Variants in NADK2 observed in about 807,000 individuals in gnomAD.
The protein encoded by NADK2 is NAD kinase 2, mitochondrial, also known as NAD kinase domain-containing protein 1, mitochondrial.
In NADK2, 35 loss-of-function variants were observed where a neutral mutation model predicts 62.1. The ratio of observed to expected loss-of-function variants is 0.56; its 90% CI spans 0.43 to 0.75. The LOEUF (loss-of-function observed/expected upper bound fraction) is 0.75, where lower values mean the gene tolerates loss of function less well. Among genes scored for constraint, NADK2 ranks in the 30% least tolerant of loss-of-function variants. NADK2 has a pLI of 0.00. For missense variants in NADK2, 439 were observed against 561.3 expected (o/e 0.78, Z 2.20); for synonymous variants, 205 against 207.9 (o/e 0.99, Z 0.12).
At position 36,227,490 on chromosome 5, in the gene NADK2, T is replaced by C; in HGVS notation, c.376A>G (p.Ile126Val). 6.5e-7 allele frequency: 1 copy of C among 1,531,120 alleles called. No individual in the cohort carries two copies. 94.8% of individuals were successfully genotyped at this position (1,531,120 alleles called of 1,614,324 possible). Residue 126 changes from isoleucine to valine, a missense_variant, in exon 2 of 12, where the codon ATA (isoleucine) becomes GTA (valine). Physicochemically the swap from Ile to Val is conservative, Grantham distance 29. Transcript: ENST00000381937. ...CCATAGACTTACCGTAAACTATCTA[T>C]AATATGTTCTACATTTTTGGTGTGA... ...HIHTKNVEHI[I>V]DSLRNEGIEV...
chr5:36,202,622 C>T (rs1320406619), intron 8 of NADK2, among the ~76,000 whole-genome samples: 1 of 152,052 alleles, frequency 6.6e-6, no homozygotes, highest in Admixed American at 6.6e-5. Context: ...GCTCTTCATG[C>T]CATATAGTCA....
At chr5:36,230,019 C>G (rs577669675) in intron 1 of NADK2, among the ~76,000 whole-genome samples, 1 of 151,732 alleles carries the variant, frequency 6.6e-6, no homozygotes, top group Non-Finnish European at 1.5e-5. Context: ...TGATCTCACA[C>G]GTGAACCACT....
Position 36,200,220 on chromosome 5 carries a change from C to T in NADK2, c.1066+7G>A. 3 of 1,573,362 alleles carry T rather than the reference C, an allele frequency of 1.9e-6. No individual in the cohort carries two copies. Among genetic ancestry groups the T allele is most frequent in the Non-Finnish European group, 2.6e-6 (3 of 1,158,490 alleles). On this transcript the variant is annotated splice_region_variant and intron_variant, in intron 10 of 11. Transcript: ENST00000381937. ...ACTGTTAGTGATTATTATCATTTGT[C>T]ACTGACCTTTCTCTACCAATTCTCT... is the stretch of plus-strand genomic sequence containing the variant.
rs1409552298 is a variant in NADK2, at chr5:36,241,654, G to T, written c.145C>A (p.Gln49Lys). ...CCCGCCAGCTCGCGCGGCTGCCCCT[G>T]CCCCAGGTGCCGCCGGCCGCCACCG... is the stretch of plus-strand genomic sequence containing the variant. ...GDGGGRRHLG[Q>K]GQPRELAGCG... Residue 49 changes from glutamine (Q) to lysine (K), a missense_variant, in exon 1 of 12, where the codon CAG becomes AAG. By Grantham distance (53) the Gln-to-Lys change is moderately conservative (BLOSUM62 1). Coordinates refer to ENST00000381937, the MANE Select transcript of NADK2 (RefSeq NM_001085411.3). The surrounding 1 kb of genome is among the most constrained non-coding windows in gnomAD (Gnocchi z 4.9). 14 of 1,263,244 alleles carry T rather than the reference G, an allele frequency of 1.1e-5. No individual in the cohort carries two copies. The South Asian group carries it at 3.7e-4, about 34-fold the overall frequency. The allele number at this position is 1,263,244 out of a possible 1,614,324, so 78.3% of individuals were successfully genotyped here.
intron 1 of NADK2, among the ~76,000 whole-genome samples, chr5:36,230,565 A>ACTAG (rs1194997612): frequency 6.6e-6 from 1 of 152,240 alleles, no homozygotes; most frequent in African/African-American, 2.4e-5. Context: ...GGGCCTAAGT[A>ACTAG]CTAGCTAAGT....
At chr5:36,215,226 T>C (rs750959773) in intron 6 of NADK2, among the ~76,000 whole-genome samples, 4 of 152,130 alleles carry the variant, frequency 2.6e-5, no homozygotes, top group Non-Finnish European at 4.4e-5. Context: ...CATTTTACCA[T>C]TAATTATGTG....
At chr5:36,227,361 A>C (rs1747520582) in intron 2 of NADK2, 116 bp downstream of exon 2, 1 of 441,054 alleles carries the variant, frequency 2.3e-6, no homozygotes, top group African/African-American at 2.0e-5. Flanking sequence ...ATTTTCTGAA[A>C]ATGATTTTAT....
At chr5:36,207,754 TG>T (rs1314715385) in intron 7 of NADK2, among the ~76,000 whole-genome samples, 1 of 152,162 alleles carries the variant, frequency 6.6e-6, no homozygotes, top group Non-Finnish European at 1.5e-5. Flanking sequence ...CCTTTTGAAT[TG>T]GTAGTAAGCT....
At chr5:36,218,033 T>C in intron 5 of NADK2, 149 bp from the exon 6 acceptor site, 1 of 615,198 alleles carries the variant, frequency 1.6e-6, no homozygotes, top group South Asian at 2.6e-5. Context: ...CTAAAGCCTA[T>C]AGCTTCCTTA....
intron 6 of NADK2, among the ~76,000 whole-genome samples, chr5:36,212,650 C>G (rs1002029112): frequency 5.9e-5 from 9 of 152,124 alleles, no homozygotes; most frequent in African/African-American, 2.2e-4. Flanking sequence ...ACTCTGTATC[C>G]TCAATGTCAC....
intron 1 of NADK2, among the ~76,000 whole-genome samples, chr5:36,230,900 AATG>A: frequency 6.6e-6 from 1 of 152,388 alleles, no homozygotes; most frequent in South Asian, 2.1e-4. Flanking sequence ...TGCCAAAGAC[AATG>A]ATAACTAATT....
chr5:36,240,839 T>C (rs1250404093), intron 1 of NADK2, among the ~76,000 whole-genome samples: 1 of 152,174 alleles, frequency 6.6e-6, no homozygotes, highest in African/African-American at 2.4e-5. Context: ...AACGTACATA[T>C]ACAAGTCAAA....
intron 7 of NADK2, chr5:36,208,506 A>G: frequency 1.4e-6 from 1 of 692,004 alleles, no homozygotes; most frequent in Non-Finnish European, 2.4e-6. Context: ...AGAGATGCTC[A>G]GCCCAAAATA....
chr5:36,229,301 T>C (rs777702419), intron 1 of NADK2, among the ~76,000 whole-genome samples: 20 of 152,214 alleles, frequency 1.3e-4, no homozygotes, highest in Non-Finnish European at 2.6e-4. Flanking sequence ...TATAATAGAT[T>C]AGACAGCCTG....
Position 36,205,058 on chromosome 5 carries a change from T to C in NADK2, c.956+2112A>G, listed in dbSNP as rs1186450925. 1.3e-5 allele frequency among the ~76,000 whole-genome samples: 2 copies of C among 152,024 alleles called. No individual in the cohort carries two copies. The highest frequency in any genetic ancestry group is 2.4e-5 in the African/African-American group (1 of 41,422). On this transcript the variant is annotated intron_variant, in intron 8 of 11. Transcript: ENST00000381937. This position sits in a 1 kb window ranked among gnomAD's most constrained non-coding sequence, Gnocchi z 4.1. ...TTAGCTATATACAATTGTGAGCATA[T>C]AGTCATTTACTCAAAAAATATTTTT...
At chr5:36,232,016 C>T (rs1247456400) in intron 1 of NADK2, among the ~76,000 whole-genome samples, 3 of 151,996 alleles carry the variant, frequency 2.0e-5, no homozygotes, top group Non-Finnish European at 2.9e-5. Flanking sequence ...CAGACAGACA[C>T]ATTTCAATAT....
Position 36,192,859 on chromosome 5 carries a change from A to AAAT in NADK2, c.*2282_*2284dup, listed in dbSNP as rs1242214587. 3 of 152,190 alleles carry AAAT rather than the reference A, an allele frequency of 2.0e-5. No homozygotes were observed. The highest frequency in any genetic ancestry group is 6.5e-5 in the Admixed American group (1 of 15,280). 9.4% of individuals were successfully genotyped at this position (152,190 alleles called of 1,614,324 possible). On this transcript the variant is annotated 3_prime_UTR_variant, in exon 12 of 12. Coordinates refer to ENST00000381937, the MANE Select transcript of NADK2 (RefSeq NM_001085411.3). ...TTCAAATAATGACCCCTTGAGAGGGAAATAAGAAATGTTAAAAAGAAGAGG... is the reference window on the plus strand; with the variant it reads ...TTCAAATAATGACCCCTTGAGAGGGAAATAATAAGAAATGTTAAAAAGAAGAGG...
In NADK2 at chr5:36,241,232, C is replaced by T; in HGVS notation, c.300+267G>A. 2.1e-6 allele frequency: 1 copy of T among 479,340 alleles called. No individual in the cohort carries two copies. Among genetic ancestry groups the T allele is most frequent in the Non-Finnish European group, 3.1e-6 (1 of 318,008 alleles). 29.7% of individuals were successfully genotyped at this position (479,340 alleles called of 1,614,324 possible). ...CTCGGCAGCCCCTCTTCGCCCTCCCCGCGGCGCCCCTGCCTCCTAAGTCCC... is the reference window on the plus strand; with the variant it reads ...CTCGGCAGCCCCTCTTCGCCCTCCCTGCGGCGCCCCTGCCTCCTAAGTCCC... On this transcript the variant is annotated intron_variant, in intron 1 of 11. Coordinates refer to ENST00000381937, the MANE Select transcript of NADK2 (RefSeq NM_001085411.3). This position sits in a 1 kb window ranked among gnomAD's most constrained non-coding sequence, Gnocchi z 4.9.
chr5:36,223,323 A>C (rs562652094), intron 4 of NADK2, among the ~76,000 whole-genome samples: 2 of 152,300 alleles, frequency 1.3e-5, no homozygotes, highest in South Asian at 4.1e-4. Context: ...AGAAACTATA[A>C]GGGTAAGAAT....
Sources: gnomAD v4.1 joint callset for allele counts (sites outside exome capture counted in the v4.1 genomes callset) on GRCh38, gnomAD v4.1.1 for gene constraint, Gnocchi (gnomAD v3.1) non-coding constraint, MANE v1.5 for transcripts, NCBI Gene and HGNC (gene_info 2026-07-23, HGNC 2026-07-21) for gene names.